The following ERICH1 variants were observed in gnomAD, a reference collection of about 807,000 sequenced individuals.
ERICH1 encodes glutamate rich 1.
A neutral mutation model predicts 39.6 loss-of-function variants in ERICH1; 56 were observed. That is an observed-to-expected ratio of 1.41 (90% CI 1.14 to 1.77). The LOEUF is 1.77. Ranked by LOEUF, ERICH1 falls within the 40% of genes most tolerant of loss-of-function variation. The pLI is 0.00. For synonymous variants in ERICH1, 313 were observed against 223.6 expected (o/e 1.40, Z -3.57); for missense variants, 826 against 575.4 (o/e 1.44, Z -4.45).
chr8:689,585 C>T (rs1481744342), intron 3 of ERICH1, among the ~76,000 whole-genome samples: 1 of 152,216 alleles, frequency 6.6e-6, no homozygotes, highest in African/African-American at 2.4e-5. Flanking sequence ...AAGCTGCCAG[C>T]ACTGTGTGCC....
intron 1 of ERICH1, among the ~76,000 whole-genome samples, chr8:717,685 GGGGC>G (rs1426108437): frequency 6.7e-6 from 1 of 149,994 alleles, no homozygotes; most frequent in African/African-American, 2.5e-5. Context: ...AACAAGGACA[GGGGC>G]GCTCAGAGCT....
At chr8:688,271 GCCCGTCC>G (rs1807992660) in intron 3 of ERICH1, among the ~76,000 whole-genome samples, 8 of 34,930 alleles carry the variant, frequency 2.3e-4, no homozygotes, top group Admixed American at 3.5e-4. Flanking sequence ...CCCCAGTTCC[GCCCGTCC>G]CCGCCCCGCC....
chr8:687,535 A>G (rs1807712238), intron 3 of ERICH1, among the ~76,000 whole-genome samples: 1 of 152,192 alleles, frequency 6.6e-6, no homozygotes, highest in African/African-American at 2.4e-5. Flanking sequence ...CCACGCGCTG[A>G]GGGGGCGCAG....
chr8:710,959 G>T (rs568843398), intron 2 of ERICH1, among the ~76,000 whole-genome samples: 4 of 152,344 alleles, frequency 2.6e-5, no homozygotes, highest in South Asian at 2.1e-4. Flanking sequence ...GTCTTCCAAA[G>T]TGGCTGCCCT....
Position 719,187 on chromosome 8 carries a change from G to A in ERICH1, c.23-3180C>T, listed in dbSNP as rs541532959. On this transcript the variant is annotated intron_variant, in intron 1 of 5. Coordinates refer to ENST00000262109, the MANE Select transcript of ERICH1 (RefSeq NM_207332.3). ...GAGGCTCAGGGAGGCCGTTTCAACC[G>A]TGAAAACTTGGGTTTCTGCCCCACC... Among the ~76,000 whole-genome samples, 299 of 152,272 alleles carry A rather than the reference G, an allele frequency of 2.0e-3. 2 individuals carry two copies. Among genetic ancestry groups the A allele is most frequent in the Non-Finnish European group, 3.5e-3 (236 of 68,016 alleles).
chr8:713,065 T>C (rs1207970905), intron 2 of ERICH1, among the ~76,000 whole-genome samples: 1 of 152,248 alleles, frequency 6.6e-6, no homozygotes, highest in East Asian at 1.9e-4. Flanking sequence ...GGACCTTGGC[T>C]TGCAGACGCC....
At chr8:663,132 G>T (rs564595836), downstream of ERICH1, among the ~76,000 whole-genome samples, 1 of 152,378 alleles carries the variant, frequency 6.6e-6, no homozygotes, top group African/African-American at 2.4e-5. Flanking sequence ...TCCAGAGCCA[G>T]AAACATCCCT....
chr8:679,786 C>T (rs965885688), intron 3 of ERICH1, among the ~76,000 whole-genome samples: 1 of 152,236 alleles, frequency 6.6e-6, no homozygotes, highest in African/African-American at 2.4e-5. Context: ...CCAGGCAGGG[C>T]ACCAGGGAGA....
intron 3 of ERICH1, among the ~76,000 whole-genome samples, chr8:619,647 C>G (rs1347416995): frequency 6.6e-6 from 1 of 152,038 alleles, no homozygotes; most frequent in Non-Finnish European, 1.5e-5. Context: ...TCTCAACTTC[C>G]TTAAAAGACT....
chr8:663,440 A>C (rs1481483539), downstream of ERICH1, among the ~76,000 whole-genome samples: 1 of 152,164 alleles, frequency 6.6e-6, no homozygotes, highest in Non-Finnish European at 1.5e-5. Flanking sequence ...CATCACCGTC[A>C]CCAGGCGACC....
chr8:661,484 T>C (rs1269212596), downstream of ERICH1, among the ~76,000 whole-genome samples: 2 of 152,228 alleles, frequency 1.3e-5, no homozygotes, highest in Non-Finnish European at 2.9e-5. Context: ...ACTGTCTTAA[T>C]ATTGGCAACC....
chr8:634,255 A>C (rs1390156381), intron 3 of ERICH1, among the ~76,000 whole-genome samples: 1 of 152,034 alleles, frequency 6.6e-6, no homozygotes, highest in Admixed American at 6.5e-5. Context: ...AAGAAGACAC[A>C]CAAGTAGCTG....
intron 3 of ERICH1, among the ~76,000 whole-genome samples, chr8:686,157 AATC>A (rs896052593): frequency 5.7e-4 from 87 of 152,180 alleles, no homozygotes; most frequent in East Asian, 4.4e-3. Flanking sequence ...TCCATCTCAA[AATC>A]ATCATCATCA....
At chr8:695,913 CCT>C (rs1211739311) in intron 2 of ERICH1, among the ~76,000 whole-genome samples, 1 of 98,126 alleles carries the variant, frequency 1.0e-5, no homozygotes, top group Non-Finnish European at 2.0e-5. Flanking sequence ...TGCACTCGCT[CCT>C]CTCACCCTCC....
intron 3 of ERICH1, among the ~76,000 whole-genome samples, chr8:658,707 C>A (rs1297702109): frequency 1.3e-5 from 2 of 152,172 alleles, no homozygotes; most frequent in Non-Finnish European, 2.9e-5. Context: ...CCTAGAGATG[C>A]CCCTGGTACA....
At chr8:651,317 G>C (rs927237466) in intron 3 of ERICH1, among the ~76,000 whole-genome samples, 1 of 152,250 alleles carries the variant, frequency 6.6e-6, no homozygotes, top group Non-Finnish European at 1.5e-5. Flanking sequence ...AGTGGGAAAA[G>C]AGGGGAAGGG....
At chr8:709,664 AG>A (rs1168690387) in intron 2 of ERICH1, among the ~76,000 whole-genome samples, 2 of 152,264 alleles carry the variant, frequency 1.3e-5, no homozygotes, top group Non-Finnish European at 2.9e-5. Context: ...CGTCACCCAA[AG>A]GATCACCAAA....
At chr8:668,540 G>A in intron 5 of ERICH1, 58 bp downstream of exon 5, 1 of 1,599,292 alleles carries the variant, frequency 6.3e-7, no homozygotes, top group Non-Finnish European at 8.6e-7. Flanking sequence ...GTCTTTCAGA[G>A]GCAAACCTCG....
chr8:657,925 T>C (rs1049530812), intron 3 of ERICH1, among the ~76,000 whole-genome samples: 3 of 151,832 alleles, frequency 2.0e-5, no homozygotes, highest in Admixed American at 2.0e-4. Context: ...ATGGCAGAGG[T>C]GGTTTGACTG....
Sources: allele counts gnomAD v4.1 joint callset (sites outside exome capture counted in the v4.1 genomes callset), GRCh38; gene constraint gnomAD v4.1.1; transcripts MANE v1.5; gene names NCBI Gene and HGNC (gene_info 2026-07-23, HGNC 2026-07-21).